The following ARFGEF3 variants were observed in gnomAD, a reference collection of about 807,000 sequenced individuals.
The protein encoded by ARFGEF3 is ARFGEF family member 3.
Under a neutral mutation model 221.7 loss-of-function variants are expected in ARFGEF3, and 96 were observed. The ratio of observed to expected loss-of-function variants is 0.43; its 90% CI spans 0.37 to 0.51. The LOEUF is 0.51. Among genes scored for constraint, ARFGEF3 ranks in the 20% least tolerant of loss-of-function variants. The pLI, the probability that ARFGEF3 is intolerant of heterozygous loss-of-function variation, is 0.00. For missense variants in ARFGEF3, 2,410 were observed against 2,789.9 expected, an observed-to-expected ratio of 0.86 and a Z score of 3.07; for synonymous variants, 1,145 against 1,126.8, an observed-to-expected ratio of 1.02 and a Z score of -0.32.
At chr6:138,167,156 G>C (rs184302984) in intron 1 of ARFGEF3, among the ~76,000 whole-genome samples, 3 of 152,242 alleles carry the variant, frequency 2.0e-5, no homozygotes, top group Non-Finnish European at 2.9e-5. Context: ...CACCCTACCA[G>C]CTCCATCTTG....
At chr6:138,310,304 C>G (rs558391320) in intron 24 of ARFGEF3, among the ~76,000 whole-genome samples, 1 of 152,316 alleles carries the variant, frequency 6.6e-6, no homozygotes, top group South Asian at 2.1e-4. Flanking sequence ...TTGACCTGGT[C>G]TGTGTTTTTA....
chr6:138,292,809 C>T (rs1449933633), intron 19 of ARFGEF3, among the ~76,000 whole-genome samples: 1 of 152,204 alleles, frequency 6.6e-6, no homozygotes, highest in African/African-American at 2.4e-5. Flanking sequence ...CACTGAGGCT[C>T]AATTTCTCCA....
rs371564929 is a variant in ARFGEF3 at position 138,263,540 on chromosome 6, G to A, written c.2057G>A (p.Arg686Gln). Residue 686 changes from arginine to glutamine, a missense_variant, in exon 12 of 34, where the codon CGG becomes CAG. Arg to Gln is a conservative substitution (Grantham distance 43). This residue lies in a region of ARFGEF3 where 594 missense variants were observed against 734.3 expected (regional missense o/e 0.81). Transcript: ENST00000251691. ...CAGTCCCTGGAAGGCCTCCTCCCTC[G>A]GCTCCTGTCTCTCTCCAATGTAGAG... ...FIQSLEGLLP[R>Q]LLSLSNVEEV... The A allele has an allele frequency of 3.1e-5, 50 of 1,613,138 alleles. No individual in the cohort carries two copies. Among genetic ancestry groups the A allele is most frequent in the African/African-American group, 4.0e-5 (3 of 75,008 alleles).
intron 33 of ARFGEF3, among the ~76,000 whole-genome samples, chr6:138,335,853 A>C (rs773734565): frequency 6.6e-6 from 1 of 152,192 alleles, no homozygotes; most frequent in Non-Finnish European, 1.5e-5. Flanking sequence ...AATTTTTTTC[A>C]AATTGTTTTC....
At chr6:138,191,044 A>G (rs1562347639) in intron 2 of ARFGEF3, among the ~76,000 whole-genome samples, 1 of 152,156 alleles carries the variant, frequency 6.6e-6, no homozygotes, top group Admixed American at 6.5e-5. Flanking sequence ...TGGACAGGAT[A>G]ATAGCCACTG....
In ARFGEF3 at chr6:138,176,162, G is replaced by T. The variant is rs1482684112; in HGVS notation, c.137+5449G>T. Among the ~76,000 whole-genome samples, 4 of 149,904 alleles carry T rather than the reference G, an allele frequency of 2.7e-5. No individual in the cohort carries two copies. The Admixed American group carries it at 2.7e-4, about 10-fold the overall frequency. On this transcript the variant is annotated intron_variant, in intron 2 of 33. Transcript: ENST00000251691. Reference sequence around the variant, plus strand: ...AAGTAAAGTGAGTTTCTTATAAGCAGCGTATAGTTGGTAGTTGGATTTTTT... The same window carrying T: ...AAGTAAAGTGAGTTTCTTATAAGCATCGTATAGTTGGTAGTTGGATTTTTT...
intron 28 of ARFGEF3, 143 bp downstream of exon 28, chr6:138,320,022 A>C (rs1029907053): frequency 1.4e-6 from 1 of 707,406 alleles, no homozygotes; most frequent in Non-Finnish European, 2.3e-6. Flanking sequence ...CAACATGGTC[A>C]GTGCCAGCCT....
chr6:138,206,951 G>C, intron 2 of ARFGEF3, 91 bp from the exon 3 acceptor site: 1 of 876,072 alleles, frequency 1.1e-6, no homozygotes, highest in South Asian at 1.5e-5. Flanking sequence ...TGTGTGTAGT[G>C]GCATTTGGGG....
Position 138,242,711 on chromosome 6 carries a change from A to G in ARFGEF3, c.544-241A>G, listed in dbSNP as rs75981813. On this transcript the variant is annotated intron_variant, in intron 6 of 33. Coordinates refer to ENST00000251691, the MANE Select transcript of ARFGEF3 (RefSeq NM_020340.5). ...GTATCCACGCCAGAGTGTCCACACA[A>G]ACGTGACTGAATTATTTTGGGAACT... 1.2e-3 allele frequency among the ~76,000 whole-genome samples: 176 copies of G among 152,322 alleles called. 1 individual carries two copies. Among genetic ancestry groups the G allele is most frequent in the African/African-American group, 4.0e-3 (165 of 41,578 alleles).
chr6:138,263,677 A>G, intron 12 of ARFGEF3, 66 bp downstream of exon 12: 1 of 1,358,226 alleles, frequency 7.4e-7, no homozygotes. Context: ...TTAATGGGCA[A>G]TTACTATCAT....
intron 2 of ARFGEF3, among the ~76,000 whole-genome samples, chr6:138,189,417 C>T (rs1777251950): frequency 6.6e-6 from 1 of 152,156 alleles, no homozygotes; most frequent in South Asian, 2.1e-4. Flanking sequence ...CAGGATTACC[C>T]AGTAACAACT....
At chr6:138,285,745 A>C (rs1164163236) in intron 14 of ARFGEF3, among the ~76,000 whole-genome samples, 1 of 152,242 alleles carries the variant, frequency 6.6e-6, no homozygotes, top group Non-Finnish European at 1.5e-5. Flanking sequence ...ATGTAACAGA[A>C]GAATAAATAC....
At chr6:138,324,278 C>A (rs1170773680) in intron 31 of ARFGEF3, 124 bp downstream of exon 31, 33 of 1,122,252 alleles carry the variant, frequency 2.9e-5, no homozygotes, top group Non-Finnish European at 4.0e-5. Flanking sequence ...CACCTTGTAG[C>A]TCCCAACTCT....
chr6:138,336,470 A>G lies in ARFGEF3; in HGVS notation c.6518A>G (p.Tyr2173Cys). The change falls in exon 34 of 34, where the codon TAT becomes TGT. Residue 2173 changes from tyrosine to cysteine, a missense_variant. Transcript: ENST00000251691. ...TGGCTGGGCAGGGTGGGCCGTGTCT[A>G]TGACATCATTGTGTAGCCGACTCCT... is the stretch of plus-strand genomic sequence containing the variant. ...REWLGRVGRV[Y>C]DIIV 2.5e-6 allele frequency: 4 copies of G among 1,609,314 alleles called. No homozygotes were observed. The highest frequency in any genetic ancestry group is 3.4e-6 in the Non-Finnish European group (4 of 1,177,828).
chr6:138,228,824 A>C (rs9484131), intron 4 of ARFGEF3, among the ~76,000 whole-genome samples: 7,849 of 152,328 alleles, frequency 0.052, 656 homozygotes, highest in African/African-American at 0.18. Context: ...TGCCCCTGGC[A>C]GGCTAAGCTG....
At chr6:138,204,392 G>A (rs1357739298) in intron 2 of ARFGEF3, among the ~76,000 whole-genome samples, 2 of 139,814 alleles carry the variant, frequency 1.4e-5, no homozygotes, top group Non-Finnish European at 3.1e-5. Flanking sequence ...CCATGCTGAA[G>A]ATCATGATCT....
intron 2 of ARFGEF3, among the ~76,000 whole-genome samples, chr6:138,185,667 T>A (rs1207067349): frequency 6.6e-6 from 1 of 152,244 alleles, no homozygotes; most frequent in Non-Finnish European, 1.5e-5. Flanking sequence ...TTACAAGGTA[T>A]GGGACCTTAG....
intron 2 of ARFGEF3, among the ~76,000 whole-genome samples, chr6:138,187,914 T>C (rs371679869): frequency 1.3e-5 from 2 of 152,096 alleles, no homozygotes; most frequent in East Asian, 1.9e-4. Context: ...TAGGAACCTC[T>C]CCCAATTATA....
At chr6:138,177,770 A>C (rs754901425) in intron 2 of ARFGEF3, among the ~76,000 whole-genome samples, 51 of 151,860 alleles carry the variant, frequency 3.4e-4, no homozygotes, top group Admixed American at 1.4e-3. Flanking sequence ...AAGCTTTTGA[A>C]TATATTTTGT....
Sources: gnomAD v4.1 joint callset for allele counts (sites outside exome capture counted in the v4.1 genomes callset) on GRCh38, gnomAD v4.1.1 for gene constraint, gnomAD v4.1.1 regional missense constraint, MANE v1.5 for transcripts, NCBI Gene and HGNC (gene_info 2026-07-23, HGNC 2026-07-21) for gene names.